DAB1: variants seen among roughly 807,000 people sequenced by gnomAD.
DAB1 encodes the protein disabled homolog 1.
Under a neutral mutation model 64.6 loss-of-function variants are expected in DAB1, and 15 were observed. The ratio of observed to expected loss-of-function variants is 0.23; its 90% CI spans 0.16 to 0.36. The LOEUF (loss-of-function observed/expected upper bound fraction) is 0.36, where lower values mean the gene tolerates loss of function less well. Among genes scored for constraint, DAB1 ranks in the 10% least tolerant of loss-of-function variants. The pLI, the probability that DAB1 is intolerant of heterozygous loss-of-function variation, is 1.00. For synonymous variants in DAB1, 235 were observed against 251.9 expected (o/e 0.93, Z 0.64); for missense variants, 596 against 706.7 (o/e 0.84, Z 1.78).
chr1:57,847,157 G>C (rs1653323577), intron 1 of DAB1, among the ~76,000 whole-genome samples: 2 of 152,100 alleles, frequency 1.3e-5, no homozygotes, highest in African/African-American at 4.8e-5. Context: ...TGACTTCCAT[G>C]CTCAGTGGCC....
At chr1:57,119,912 C>G (rs1043381668) in intron 4 of DAB1, among the ~76,000 whole-genome samples, 1 of 152,144 alleles carries the variant, frequency 6.6e-6, no homozygotes, top group African/African-American at 2.4e-5. Flanking sequence ...AAAAAACAAA[C>G]AGCAAATGAA....
At chr1:58,190,659 C>T (rs1392036396) in intron 4 of DAB1, among the ~76,000 whole-genome samples, 2 of 152,194 alleles carry the variant, frequency 1.3e-5, no homozygotes, top group Non-Finnish European at 2.9e-5. Context: ...CAAAAGTTCT[C>T]AGGGGGCAGA....
chr1:57,356,178 T>G (rs552979020), intron 1 of DAB1, among the ~76,000 whole-genome samples: 146 of 152,226 alleles, frequency 9.6e-4, no homozygotes, highest in African/African-American at 3.3e-3. Flanking sequence ...GCTAAGACAG[T>G]AAAACTCAAT....
chr1:57,387,673 T>TTGGC (rs1192687947), intron 1 of DAB1, among the ~76,000 whole-genome samples: 1 of 151,884 alleles, frequency 6.6e-6, no homozygotes, highest in Non-Finnish European at 1.5e-5. Flanking sequence ...AATACAAAGA[T>TTGGC]TAGCCAAGCA....
At chr1:57,092,475 C>G (rs1389629060) in intron 4 of DAB1, among the ~76,000 whole-genome samples, 1 of 152,018 alleles carries the variant, frequency 6.6e-6, no homozygotes, top group Non-Finnish European at 1.5e-5. Flanking sequence ...TTATAAACGG[C>G]AGTTTACCCC....
At chr1:58,293,712 T>TTCAGCAAATTGGCCAACA (rs1661902293) in intron 4 of DAB1, among the ~76,000 whole-genome samples, 1 of 152,200 alleles carries the variant, frequency 6.6e-6, no homozygotes, top group Non-Finnish European at 1.5e-5. Flanking sequence ...AAACAACAAA[T>TTCAGCAAATTGGCCAACA]TCAGCAAATT....
chr1:58,105,510 C>T (rs1406444314), intron 5 of DAB1, among the ~76,000 whole-genome samples: 2 of 152,138 alleles, frequency 1.3e-5, no homozygotes, highest in Non-Finnish European at 2.9e-5. Flanking sequence ...AATGAGAAGA[C>T]TTGGGTTCTA....
At chr1:58,107,364 G>A (rs570328324) in intron 5 of DAB1, among the ~76,000 whole-genome samples, 50 of 150,900 alleles carry the variant, frequency 3.3e-4, no homozygotes, top group African/African-American at 8.0e-4. Context: ...CCCGCTACTC[G>A]GGAGGCTGAA....
intron 4 of DAB1, among the ~76,000 whole-genome samples, chr1:57,129,636 G>A (rs189204509): frequency 7.5e-4 from 114 of 152,224 alleles, no homozygotes; most frequent in African/African-American, 2.6e-3. Flanking sequence ...TCAAGTCTAG[G>A]ATTTTGCAAA....
At chr1:57,851,866 T>C (rs980216356) in intron 1 of DAB1, among the ~76,000 whole-genome samples, 1 of 152,152 alleles carries the variant, frequency 6.6e-6, no homozygotes, top group Non-Finnish European at 1.5e-5. Context: ...AGAATGCATT[T>C]TGCCCTGTCA....
At chr1:57,332,421 T>A (rs1270379791) in intron 1 of DAB1, among the ~76,000 whole-genome samples, 1 of 152,214 alleles carries the variant, frequency 6.6e-6, no homozygotes, top group African/African-American at 2.4e-5. Flanking sequence ...GTCTGTTACC[T>A]TTCTAGTTTT....
At chr1:57,773,905 G>A (rs1031485772) in intron 6 of DAB1, among the ~76,000 whole-genome samples, 3 of 152,132 alleles carry the variant, frequency 2.0e-5, no homozygotes, top group African/African-American at 7.2e-5. Context: ...GTAGTTTTAT[G>A]AAAAGTCTTG....
At chr1:57,423,662 T>C (rs1436077199) in intron 1 of DAB1, among the ~76,000 whole-genome samples, 1 of 150,908 alleles carries the variant, frequency 6.6e-6, no homozygotes, top group African/African-American at 2.4e-5. Flanking sequence ...TGGTCGGAAG[T>C]AGGGAGACAG....
intron 5 of DAB1, among the ~76,000 whole-genome samples, chr1:58,146,233 G>T (rs1654585342): frequency 6.6e-6 from 1 of 151,998 alleles, no homozygotes; most frequent in African/African-American, 2.4e-5. Context: ...CTTCATGGGG[G>T]GTTGGCTCTT....
In DAB1 at chr1:57,049,450, C is replaced by CAAAAAAAAAAAAAA. The variant is rs574438911; in HGVS notation, c.723+13420_723+13433dup. Among the ~76,000 whole-genome samples, 162 of 24,580 alleles carry CAAAAAAAAAAAAAA rather than the reference C, an allele frequency of 6.6e-3. 23 individuals carry two copies. Among genetic ancestry groups the CAAAAAAAAAAAAAA allele is most frequent in the Non-Finnish European group, 7.7e-3 (107 of 13,872 alleles). 16.1% of individuals were successfully genotyped at this position (24,580 alleles called of 152,430 possible). ...TGGGCAACAGAGCAAGACTCCGTCT[C>CAAAAAAAAAAAAAA]AAAAAAAAAAAAAAAAAAAAAAAAA... On this transcript the variant is annotated intron_variant, in intron 9 of 14. Transcript: ENST00000371236.
chr1:58,259,963 G>A (rs1661012863), intron 4 of DAB1, among the ~76,000 whole-genome samples: 1 of 152,158 alleles, frequency 6.6e-6, no homozygotes. Flanking sequence ...ATAACCCTAT[G>A]AGGCTAAGAC....
chr1:57,169,728 T>G (rs1661550625), intron 2 of DAB1, among the ~76,000 whole-genome samples: 1 of 152,192 alleles, frequency 6.6e-6, no homozygotes, highest in African/African-American at 2.4e-5. Flanking sequence ...GGTATCTGGC[T>G]TCCCTGGCCT....
At chr1:58,384,670 C>A (rs151154544) in intron 3 of DAB1, among the ~76,000 whole-genome samples, 39 of 152,294 alleles carry the variant, frequency 2.6e-4, no homozygotes, top group African/African-American at 8.7e-4. Flanking sequence ...GTCCCAAAAC[C>A]TCAAAAGTAG....
At chr1:57,511,030 A>G (rs535541215) in intron 7 of DAB1, among the ~76,000 whole-genome samples, 9 of 152,256 alleles carry the variant, frequency 5.9e-5, no homozygotes, top group African/African-American at 1.9e-4. Flanking sequence ...GACCACCTCC[A>G]TTGCTCAGCA....
Sources: gnomAD v4.1 joint callset for allele counts (sites outside exome capture counted in the v4.1 genomes callset) on GRCh38, gnomAD v4.1.1 for gene constraint, MANE v1.5 for transcripts, NCBI Gene and HGNC (gene_info 2026-07-23, HGNC 2026-07-21) for gene names.